The following LRRTM4 variants were observed in gnomAD, a reference collection of about 807,000 sequenced individuals.
LRRTM4 encodes leucine-rich repeat transmembrane neuronal protein 4.
Under a neutral mutation model 47.6 loss-of-function variants are expected in LRRTM4, and 25 were observed. That is an observed-to-expected ratio of 0.53 (90% CI 0.38 to 0.73). LRRTM4 has a LOEUF of 0.73. Among genes scored for constraint, LRRTM4 ranks in the 30% least tolerant of loss-of-function variants. The probability of loss-of-function intolerance (pLI) is 0.00; values close to 1 mark genes in which losing one functional copy is unlikely to be tolerated. For missense variants in LRRTM4, 638 were observed against 713.4 expected (o/e 0.89, Z 1.20); for synonymous variants, 311 against 269.5 (o/e 1.15, Z -1.51).
intron 3 of LRRTM4, among the ~76,000 whole-genome samples, chr2:76,864,852 G>A (rs867553565): frequency 2.2e-5 from 3 of 139,212 alleles, no homozygotes; most frequent in Admixed American, 1.5e-4. Flanking sequence ...TCAGCCTCTC[G>A]AGTAGCTGGG....
At chr2:76,974,191 T>C (rs1159313656) in intron 3 of LRRTM4, among the ~76,000 whole-genome samples, 20 of 119,474 alleles carry the variant, frequency 1.7e-4, no homozygotes, top group African/African-American at 7.5e-4. Flanking sequence ...TACATACATA[T>C]ATATACATAT....
intron 3 of LRRTM4, among the ~76,000 whole-genome samples, chr2:76,798,309 CTCAACTACAT>C (rs1280027719): frequency 6.6e-6 from 1 of 152,070 alleles, no homozygotes; most frequent in Non-Finnish European, 1.5e-5. Context: ...CTCAAAACCA[CTCAACTACAT>C]GGAAACTGAA....
intron 3 of LRRTM4, among the ~76,000 whole-genome samples, chr2:77,360,624 A>G: frequency 6.6e-6 from 1 of 152,120 alleles, no homozygotes; most frequent in African/African-American, 2.4e-5. Flanking sequence ...ATAATGAACT[A>G]GCCCACAAAA....
intron 3 of LRRTM4, among the ~76,000 whole-genome samples, chr2:77,440,597 A>G (rs1675803256): frequency 6.6e-6 from 1 of 152,250 alleles, no homozygotes; most frequent in Non-Finnish European, 1.5e-5. Context: ...AAAACTCAGT[A>G]GCTTCTGACT....
At chr2:77,309,931 A>AT (rs900346137) in intron 3 of LRRTM4, among the ~76,000 whole-genome samples, 3 of 151,910 alleles carry the variant, frequency 2.0e-5, no homozygotes, top group Non-Finnish European at 2.9e-5. Context: ...CAGCCACACC[A>AT]TTTTTTTTAA....
intron 3 of LRRTM4, among the ~76,000 whole-genome samples, chr2:76,919,187 G>A (rs1674352129): frequency 6.6e-6 from 1 of 152,010 alleles, no homozygotes; most frequent in Non-Finnish European, 1.5e-5. Flanking sequence ...GGTGGGGGGA[G>A]GTTGGCAGTG....
chr2:77,063,497 A>G (rs547398090), intron 3 of LRRTM4, among the ~76,000 whole-genome samples: 2 of 152,320 alleles, frequency 1.3e-5, no homozygotes, highest in African/African-American at 4.8e-5. Flanking sequence ...TACATGAAGT[A>G]GAAAAATAGA....
At chr2:76,939,152 T>TC (rs1675051794) in intron 3 of LRRTM4, among the ~76,000 whole-genome samples, 1 of 133,398 alleles carries the variant, frequency 7.5e-6, no homozygotes, top group Non-Finnish European at 1.5e-5. Flanking sequence ...AACCTGTTAC[T>TC]GAAAAAAAAA....
chr2:76,894,920 CATT>C lies in LRRTM4; in HGVS notation c.1552-146007_1552-146005del, dbSNP rs138523227. The stretch of plus-strand genomic sequence containing the variant: ...GCACATAGCTATACTAGATACAACT[CATT>C]AATAATTTATGCATTATATTTTATC... On this transcript the variant is annotated intron_variant, in intron 3 of 3. Transcript: ENST00000409884. Among the ~76,000 whole-genome samples the C allele has an allele frequency of 4.2e-3, 637 of 151,274 alleles. 4 individuals carry two copies. Among genetic ancestry groups the C allele is most frequent in the African/African-American group, 0.015 (604 of 41,264 alleles).
rs530762239 is a variant in LRRTM4 at position 77,229,084 on chromosome 2, C to T, written c.1551+289234G>A. ...GCAGCATTTGGCAGCATTCATCATG[C>T]CCCCTCCCTCCTTTAAAGCCCCTTC... On this transcript the variant is annotated intron_variant, in intron 3 of 3. Coordinates refer to ENST00000409884, the MANE Select transcript of LRRTM4 (RefSeq NM_001134745.3). 7.2e-5 allele frequency among the ~76,000 whole-genome samples: 11 copies of T among 152,040 alleles called. No individual in the cohort carries two copies. The East Asian group carries it at 1.7e-3, about 24-fold the overall frequency.
At chr2:77,069,577 A>G (rs1680082181) in intron 3 of LRRTM4, among the ~76,000 whole-genome samples, 1 of 152,096 alleles carries the variant, frequency 6.6e-6, no homozygotes, top group Admixed American at 6.6e-5. Flanking sequence ...TGTTATAGGT[A>G]TATTCTGGTG....
At chr2:77,080,752 C>T (rs1680503159) in intron 3 of LRRTM4, among the ~76,000 whole-genome samples, 2 of 152,166 alleles carry the variant, frequency 1.3e-5, no homozygotes, top group South Asian at 2.1e-4. Context: ...ATTAGGAATG[C>T]AGTTAATGCC....
intron 3 of LRRTM4, among the ~76,000 whole-genome samples, chr2:77,265,905 G>T (rs1454371691): frequency 6.6e-6 from 1 of 152,128 alleles, no homozygotes; most frequent in Non-Finnish European, 1.5e-5. Flanking sequence ...ATAAATTTCA[G>T]ATGACATAAG....
At chr2:77,215,717 C>G (rs1373710817) in intron 3 of LRRTM4, among the ~76,000 whole-genome samples, 1 of 152,098 alleles carries the variant, frequency 6.6e-6, no homozygotes, top group Non-Finnish European at 1.5e-5. Flanking sequence ...TGGCTAAACA[C>G]CCAGAGTTTC....
In LRRTM4 at chr2:76,818,412, A is replaced by G. The variant is rs903932963; in HGVS notation, c.1552-69496T>C. Among the ~76,000 whole-genome samples, 3 of 151,928 alleles carry G rather than the reference A, an allele frequency of 2.0e-5. No homozygotes were observed. In the East Asian group the frequency reaches 5.8e-4, roughly 30 times the overall value. On this transcript the variant is annotated intron_variant, in intron 3 of 3. Coordinates refer to ENST00000409884, the MANE Select transcript of LRRTM4 (RefSeq NM_001134745.3). Reference sequence around the variant, plus strand: ...GCATGAAAGCTATGCTCTTCCCACAACCAGGGCTGAACACATTACTAAACT... The same window carrying G: ...GCATGAAAGCTATGCTCTTCCCACAGCCAGGGCTGAACACATTACTAAACT...
chr2:77,455,602 C>A (rs1410477712), intron 3 of LRRTM4, among the ~76,000 whole-genome samples: 1 of 151,774 alleles, frequency 6.6e-6, no homozygotes, highest in Non-Finnish European at 1.5e-5. Context: ...CTCTTCTTTT[C>A]TCTCCCTCCT....
chr2:76,801,031 G>C (rs1432876726), intron 3 of LRRTM4, among the ~76,000 whole-genome samples: 1 of 147,678 alleles, frequency 6.8e-6, no homozygotes, highest in Non-Finnish European at 1.5e-5. Context: ...TGGAGCGGAT[G>C]TGGAGAAATA....
chr2:77,424,972 A>C (rs957344742), intron 3 of LRRTM4, among the ~76,000 whole-genome samples: 2 of 152,148 alleles, frequency 1.3e-5, no homozygotes, highest in African/African-American at 4.8e-5. Context: ...TTTTAAGTGG[A>C]ATATGAAACA....
At chr2:77,224,345 C>A (rs1674738600) in intron 3 of LRRTM4, among the ~76,000 whole-genome samples, 2 of 152,072 alleles carry the variant, frequency 1.3e-5, no homozygotes, top group Admixed American at 6.6e-5. Flanking sequence ...GCAACAAAAG[C>A]CAAAAATGAC....
Sources: allele counts gnomAD v4.1 joint callset (sites outside exome capture counted in the v4.1 genomes callset), GRCh38; gene constraint gnomAD v4.1.1; transcripts MANE v1.5; gene names NCBI Gene and HGNC (gene_info 2026-07-23, HGNC 2026-07-21).